SLC36A1: variants seen among roughly 807,000 people sequenced by gnomAD.
The protein encoded by SLC36A1 is solute carrier family 36 member 1, also known as proton-coupled amino acid transporter 1.
A neutral mutation model predicts 47.5 loss-of-function variants in SLC36A1; 30 were observed. The observed-to-expected ratio is 0.63, with a 90% confidence interval of 0.47 to 0.86. The LOEUF (loss-of-function observed/expected upper bound fraction) is 0.86. SLC36A1 is among the 40% of genes least tolerant of loss of function. The pLI is 0.00. For missense variants in SLC36A1, 517 were observed against 606.0 expected, an observed-to-expected ratio of 0.85 and a Z score of 1.54; for synonymous variants, 255 against 249.7, an observed-to-expected ratio of 1.02 and a Z score of -0.20.
At chr5:151,481,862 C>G (rs1381366029) in intron 10 of SLC36A1, among the ~76,000 whole-genome samples, 1 of 152,176 alleles carries the variant, frequency 6.6e-6, no homozygotes, top group Non-Finnish European at 1.5e-5. Context: ...CTTAGCAGGT[C>G]ACCTTATGTC....
the SLC36A1 span, among the ~76,000 whole-genome samples, chr5:151,400,695 T>G: frequency 6.6e-6 from 1 of 152,056 alleles, no homozygotes; most frequent in African/African-American, 2.4e-5. Flanking sequence ...GTTTTGTTTT[T>G]TTACTTTTTT....
the SLC36A1 span, among the ~76,000 whole-genome samples, chr5:151,356,339 CAAAAA>C: frequency 0.013 from 663 of 51,328 alleles, 13 homozygotes; most frequent in African/African-American, 0.034. Flanking sequence ...CTCTGTCTCA[CAAAAA>C]AAAAAAAAAA....
At chr5:151,433,239 TATATATATATATATATATATATATA>T (rs1305233892), upstream of SLC36A1, among the ~76,000 whole-genome samples, 6 of 10,216 alleles carry the variant, frequency 5.9e-4, no homozygotes, top group African/African-American at 7.7e-4. Flanking sequence ...TATATATATA[TATATATATATATATATATATATATA>T]TATTTTTTTT....
At chr5:151,472,663 TGAGAATTTTAAAAAG>T (rs1757484121) in intron 7 of SLC36A1, among the ~76,000 whole-genome samples, 1 of 152,168 alleles carries the variant, frequency 6.6e-6, no homozygotes, top group Non-Finnish European at 1.5e-5. Flanking sequence ...AGTTCATTGA[TGAGAATTTTAAAAAG>T]GAGAAGAAAA....
the SLC36A1 span, chr5:151,527,877 T>G: frequency 7.6e-7 from 1 of 1,319,748 alleles, no homozygotes; most frequent in Non-Finnish European, 1.0e-6. Flanking sequence ...AGAGACATTC[T>G]GGGAAGGTCT....
chr5:151,478,657 A>G (rs1176478387), intron 9 of SLC36A1, among the ~76,000 whole-genome samples: 7 of 152,216 alleles, frequency 4.6e-5, no homozygotes, highest in Non-Finnish European at 1.5e-5. Context: ...TTCAAAAGGT[A>G]TATAGAGAGC....
chr5:151,461,314 G>A (rs1161719349), intron 2 of SLC36A1, among the ~76,000 whole-genome samples: 2 of 152,066 alleles, frequency 1.3e-5, no homozygotes, highest in Non-Finnish European at 2.9e-5. Flanking sequence ...AGTGTGTTCA[G>A]TGAGGTTATT....
In SLC36A1 at chr5:151,458,884, A is replaced by G. The variant is rs766981755; in HGVS notation, c.92A>G (p.Asn31Ser). Residue 31 changes from asparagine to serine, a missense_variant, in exon 2 of 11, where the codon AAC becomes AGC. Asn to Ser is a conservative substitution (Grantham distance 46). Coordinates refer to ENST00000243389, the MANE Select transcript of SLC36A1 (RefSeq NM_078483.4). The part of the protein sequence containing the change: ...PEESPSEGLN[N>S]LSSPGSYQRF... ...GAGAGCCCGTCGGAAGGCCTCAACA[A>G]CCTCTCCTCCCCGGGCTCCTACCAG... The G allele has an allele frequency of 5.6e-6, 9 of 1,613,534 alleles. No individual in the cohort carries two copies. The highest frequency in any genetic ancestry group is 4.5e-5 in the East Asian group (2 of 44,870).
At chr5:151,543,154 T>A in the SLC36A1 span, 279 of 1,614,130 alleles carry the variant, frequency 1.7e-4, no homozygotes, top group Non-Finnish European at 2.3e-4. Flanking sequence ...GATGAAGAAG[T>A]CAAGGGTCTG....
the SLC36A1 span, among the ~76,000 whole-genome samples, chr5:151,396,359 C>T: frequency 6.6e-6 from 1 of 151,996 alleles, no homozygotes; most frequent in Admixed American, 6.5e-5. Context: ...TCTCGGCCTG[C>T]CAAAGTGCTG....
chr5:151,476,753 G>T lies in SLC36A1; in HGVS notation c.986G>T (p.Cys329Phe), dbSNP rs745991814. The change falls in exon 9 of 11, where the codon TGC becomes TTC. Residue 329 changes from cysteine (C) to phenylalanine (F), a missense_variant. Cys to Phe is a radical substitution (Grantham distance 205, BLOSUM62 -2). Transcript: ENST00000243389. ...AGCATAACCCTCAACCTGCCCAACTGCTGGTACGTGGAGGGAGGATGGAAA... is the reference window on the plus strand; with the variant it reads ...AGCATAACCCTCAACCTGCCCAACTTCTGGTACGTGGAGGGAGGATGGAAA... The part of the protein sequence containing the change: ...QGSITLNLPN[C>F]WLYQSVKLLY... 4 of 1,610,654 alleles carry T rather than the reference G, an allele frequency of 2.5e-6. No individual in the cohort carries two copies. Among genetic ancestry groups the T allele is most frequent in the South Asian group, 1.1e-5 (1 of 90,660 alleles).
At chr5:151,385,226 G>T in the SLC36A1 span, among the ~76,000 whole-genome samples, 1 of 152,094 alleles carries the variant, frequency 6.6e-6, no homozygotes, top group Admixed American at 6.5e-5. Context: ...AAAATTCCTG[G>T]CTTCTTTGAG....
the SLC36A1 span, among the ~76,000 whole-genome samples, chr5:151,344,921 G>A: frequency 6.8e-4 from 103 of 152,292 alleles, no homozygotes; most frequent in South Asian, 8.7e-3. Context: ...TGGGTCCCCA[G>A]ATGAGGTCTG....
intron 1 of SLC36A1, among the ~76,000 whole-genome samples, chr5:151,454,070 T>C (rs1288696607): frequency 6.7e-6 from 1 of 149,302 alleles, no homozygotes; most frequent in Non-Finnish European, 1.5e-5. Flanking sequence ...TGTTTTAAGG[T>C]TTGTACACTT....
chr5:151,526,712 A>G, the SLC36A1 span, among the ~76,000 whole-genome samples: 1 of 152,160 alleles, frequency 6.6e-6, no homozygotes, highest in Non-Finnish European at 1.5e-5. Flanking sequence ...TACCCATAAT[A>G]TATAAAACAG....
the SLC36A1 span, chr5:151,554,600 T>C: frequency 1.9e-6 from 3 of 1,614,164 alleles, no homozygotes; most frequent in Non-Finnish European, 2.5e-6. Context: ...TGGATTGTCA[T>C]TGACGTCCAA....
chr5:151,540,215 T>C, the SLC36A1 span, among the ~76,000 whole-genome samples: 22 of 152,256 alleles, frequency 1.4e-4, no homozygotes, highest in African/African-American at 5.3e-4. Context: ...GCTTGGTATA[T>C]CCCTATGGGG....
the SLC36A1 span, chr5:151,545,363 T>G: frequency 6.2e-7 from 1 of 1,614,134 alleles, no homozygotes; most frequent in Non-Finnish European, 8.5e-7. Context: ...ATGCTACCAG[T>G]GACAGGATGG....
At chr5:151,355,820 G>A in the SLC36A1 span, among the ~76,000 whole-genome samples, 1 of 152,092 alleles carries the variant, frequency 6.6e-6, no homozygotes, top group African/African-American at 2.4e-5. Context: ...CCAACTGCAA[G>A]AACCCAAACA....
Sources: gnomAD v4.1 joint callset for allele counts (sites outside exome capture counted in the v4.1 genomes callset) on GRCh38, gnomAD v4.1.1 for gene constraint, MANE v1.5 for transcripts, NCBI Gene and HGNC (gene_info 2026-07-23, HGNC 2026-07-21) for gene names.